Variants in LHFPL6 observed in about 807,000 individuals in gnomAD.
The protein encoded by LHFPL6 is LHFPL tetraspan subfamily member 6, also known as LHFPL tetraspan subfamily member 6 protein.
LHFPL6 carries 9 observed loss-of-function variants against 20.6 expected under a neutral mutation model. That is an observed-to-expected ratio of 0.44 (90% confidence interval 0.26 to 0.76). The LOEUF (loss-of-function observed/expected upper bound fraction) is 0.76, where lower values mean the gene tolerates loss of function less well. Ranked by LOEUF, LHFPL6 falls within the 30% of genes least tolerant of loss-of-function variation. The pLI is 0.20. For synonymous variants in LHFPL6, 105 were observed against 98.7 expected (o/e 1.06, Z -0.38); for missense variants, 218 against 253.5 (o/e 0.86, Z 0.95).
At chr13:39,423,938 A>G (rs1871563092) in intron 2 of LHFPL6, among the ~76,000 whole-genome samples, 1 of 152,200 alleles carries the variant, frequency 6.6e-6, no homozygotes, top group Non-Finnish European at 1.5e-5. Context: ...GACCCAGTAA[A>G]ACCAATTGAG....
chr13:39,368,579 TCAA>T (rs145347881), intron 3 of LHFPL6, among the ~76,000 whole-genome samples: 8,164 of 152,166 alleles, frequency 0.054, 308 homozygotes, highest in East Asian at 0.11. Context: ...AGACTCCGTC[TCAA>T]CAACAACAAT....
intron 2 of LHFPL6, among the ~76,000 whole-genome samples, chr13:39,462,829 C>T (rs1286718282): frequency 1.2e-4 from 18 of 152,066 alleles, no homozygotes; most frequent in Non-Finnish European, 1.5e-5. Flanking sequence ...TTTGTGGGAA[C>T]AAGGTGAAAA....
At chr13:39,476,279 C>T (rs1251787974) in intron 2 of LHFPL6, among the ~76,000 whole-genome samples, 1 of 152,220 alleles carries the variant, frequency 6.6e-6, no homozygotes, top group Non-Finnish European at 1.5e-5. Flanking sequence ...ATCCTCCTGC[C>T]TTGGCCTCCC....
At chr13:39,483,435 A>G (rs139793749) in intron 2 of LHFPL6, among the ~76,000 whole-genome samples, 385 of 152,164 alleles carry the variant, frequency 2.5e-3, no homozygotes, top group African/African-American at 8.4e-3. Flanking sequence ...TCATATATAC[A>G]AAAACAATTG....
chr13:39,519,794 G>T (rs1005677960), intron 2 of LHFPL6, among the ~76,000 whole-genome samples: 1 of 152,048 alleles, frequency 6.6e-6, no homozygotes, highest in Admixed American at 6.6e-5. Flanking sequence ...CAGACTTCTA[G>T]AAGACAAATG....
chr13:39,524,028 A>G (rs1022850744), intron 2 of LHFPL6, among the ~76,000 whole-genome samples: 11 of 152,198 alleles, frequency 7.2e-5, no homozygotes, highest in African/African-American at 2.7e-4. Context: ...ATGAAAAGCA[A>G]TGCCCAATGC....
At chr13:39,352,675 T>C (rs1441125201) in intron 3 of LHFPL6, among the ~76,000 whole-genome samples, 1 of 151,930 alleles carries the variant, frequency 6.6e-6, no homozygotes, top group Non-Finnish European at 1.5e-5. Flanking sequence ...GAATATCTTT[T>C]GTCTGTGATA....
chr13:39,563,023 T>C (rs1871591833), intron 2 of LHFPL6, among the ~76,000 whole-genome samples: 1 of 150,466 alleles, frequency 6.6e-6, no homozygotes, highest in Non-Finnish European at 1.5e-5. Flanking sequence ...ATGAATGCAG[T>C]AGGAGTAATA....
intron 2 of LHFPL6, among the ~76,000 whole-genome samples, chr13:39,382,349 G>A (rs1247315139): frequency 4.6e-5 from 7 of 152,206 alleles, no homozygotes; most frequent in Middle Eastern, 3.4e-3. Flanking sequence ...GCTTTCTACC[G>A]GCAAGCAGCC....
intron 2 of LHFPL6, among the ~76,000 whole-genome samples, chr13:39,535,407 A>G (rs1164784396): frequency 6.6e-6 from 1 of 152,266 alleles, no homozygotes; most frequent in African/African-American, 2.4e-5. Context: ...CACTTATCTT[A>G]TTCCAAATTT....
intron 2 of LHFPL6, among the ~76,000 whole-genome samples, chr13:39,534,575 C>T (rs888931154): frequency 2.0e-5 from 3 of 152,062 alleles, no homozygotes; most frequent in African/African-American, 7.3e-5. Context: ...GTGTAAATAG[C>T]ACATTGCTAC....
In LHFPL6 at chr13:39,591,921, C is replaced by T. The variant is rs547982257; in HGVS notation, c.385+8911G>A. Among the ~76,000 whole-genome samples, 21 of 152,158 alleles carry T rather than the reference C, an allele frequency of 1.4e-4. No individual in the cohort carries two copies. The South Asian group carries it at 4.2e-3, about 30-fold the overall frequency. On this transcript the variant is annotated intron_variant, in intron 2 of 3. Transcript: ENST00000379589. ...GACCAGCCTGGCCAACAAGGTGAAA[C>T]ACCGTCTCTACTAAAAATACAAAAA...
intron 2 of LHFPL6, among the ~76,000 whole-genome samples, chr13:39,405,320 C>T (rs548172138): frequency 6.6e-6 from 1 of 152,168 alleles, no homozygotes; most frequent in Non-Finnish European, 1.5e-5. Context: ...AGTCAGCAGC[C>T]TTTTGTTTAT....
At chr13:39,352,671 C>A (rs1333412812) in intron 3 of LHFPL6, among the ~76,000 whole-genome samples, 1 of 151,426 alleles carries the variant, frequency 6.6e-6, no homozygotes. Context: ...GGCAGAATAT[C>A]TTTTGTCTGT....
chr13:39,557,912 C>G (rs1395559212), intron 2 of LHFPL6, among the ~76,000 whole-genome samples: 1 of 152,132 alleles, frequency 6.6e-6, no homozygotes, highest in Non-Finnish European at 1.5e-5. Flanking sequence ...TTGGAGCTCC[C>G]CCTTTGCTCT....
chr13:39,537,735 CCAAA>C (rs1870663768), intron 2 of LHFPL6, among the ~76,000 whole-genome samples: 1 of 151,948 alleles, frequency 6.6e-6, no homozygotes, highest in Non-Finnish European at 1.5e-5. Flanking sequence ...ATCACAGAAC[CCAAA>C]CAAAGCACAA....
In LHFPL6 at chr13:39,602,711, C is replaced by G. The variant is rs145744791; in HGVS notation, c.-175+172G>C. On this transcript the variant is annotated intron_variant, in intron 1 of 3. Transcript: ENST00000379589. ...GGATAAGGATGGGAAGGCAGCACCCCCCGGAGGCAGACGCCAAGAGCGGAC... is the reference window on the plus strand; with the variant it reads ...GGATAAGGATGGGAAGGCAGCACCCGCCGGAGGCAGACGCCAAGAGCGGAC... Among the ~76,000 whole-genome samples the G allele has an allele frequency of 2.8e-4, 43 of 152,352 alleles. No homozygotes were observed. In the East Asian group the frequency reaches 8.1e-3, roughly 29 times the overall value.
At chr13:39,524,170 A>T (rs1354524101) in intron 2 of LHFPL6, among the ~76,000 whole-genome samples, 2 of 152,226 alleles carry the variant, frequency 1.3e-5, no homozygotes, top group Non-Finnish European at 2.9e-5. Flanking sequence ...ACTGCGCTCA[A>T]GAAGTAAATA....
intron 2 of LHFPL6, among the ~76,000 whole-genome samples, chr13:39,413,333 A>T (rs1871275506): frequency 6.6e-6 from 1 of 152,208 alleles, no homozygotes; most frequent in Admixed American, 6.5e-5. Context: ...CCACATTGAT[A>T]TGTACTCAGG....
Sources: gnomAD v4.1 joint callset for allele counts (sites outside exome capture counted in the v4.1 genomes callset) on GRCh38, gnomAD v4.1.1 for gene constraint, MANE v1.5 for transcripts, NCBI Gene and HGNC (gene_info 2026-07-23, HGNC 2026-07-21) for gene names.